WWOX: variants seen among roughly 807,000 people sequenced by gnomAD.
The protein encoded by WWOX is WW domain containing oxidoreductase, also known as WW domain-containing oxidoreductase.
A neutral mutation model predicts 46.2 loss-of-function variants in WWOX; 69 were observed. The observed-to-expected ratio is 1.49, with a 90% CI of 1.23 to 1.82. The LOEUF is 1.82. Among genes scored for constraint, WWOX ranks in the 40% most tolerant of loss-of-function variants. WWOX has a pLI of 0.00. For missense variants in WWOX, 919 were observed against 542.6 expected (o/e 1.69, Z -6.89); for synonymous variants, 359 against 202.6 (o/e 1.77, Z -6.56).
chr16:78,727,780 T>TGG (rs902717448), intron 8 of WWOX, among the ~76,000 whole-genome samples: 9 of 152,172 alleles, frequency 5.9e-5, no homozygotes, highest in East Asian at 1.9e-4. Context: ...GTCTCCCTGG[T>TGG]GGTGAGACAG....
intron 8 of WWOX, among the ~76,000 whole-genome samples, chr16:78,560,458 C>T (rs1007104706): frequency 2.0e-5 from 3 of 152,108 alleles, no homozygotes; most frequent in African/African-American, 7.2e-5. Context: ...GCCTGGCCAA[C>T]ATGGTGAAAC....
At chr16:78,486,268 A>G (rs1002897371) in intron 8 of WWOX, among the ~76,000 whole-genome samples, 2 of 152,226 alleles carry the variant, frequency 1.3e-5, no homozygotes, top group Non-Finnish European at 2.9e-5. Flanking sequence ...GTGTAGTCCC[A>G]TACCATTTTA....
intron 8 of WWOX, among the ~76,000 whole-genome samples, chr16:78,866,584 T>C (rs980961821): frequency 6.6e-6 from 1 of 152,146 alleles, no homozygotes; most frequent in Non-Finnish European, 1.5e-5. Context: ...CAAAATCACT[T>C]AAGTGTTCAG....
chr16:79,156,600 A>T (rs1024389579), intron 8 of WWOX, among the ~76,000 whole-genome samples: 4 of 152,316 alleles, frequency 2.6e-5, no homozygotes, highest in South Asian at 2.1e-4. Flanking sequence ...CAGACAATTA[A>T]CAAGTTAAAA....
chr16:78,252,374 T>C (rs975206971), intron 5 of WWOX, among the ~76,000 whole-genome samples: 1 of 152,214 alleles, frequency 6.6e-6, no homozygotes, highest in African/African-American at 2.4e-5. Context: ...GAGTTAAAAT[T>C]GACAAGTTAG....
chr16:78,443,014 T>C (rs2083479177), intron 8 of WWOX, among the ~76,000 whole-genome samples: 1 of 151,578 alleles, frequency 6.6e-6, no homozygotes, highest in Non-Finnish European at 1.5e-5. Context: ...TGGGTGCCTG[T>C]AGTCCCAGCT....
chr16:78,258,773 A>T (rs1476036282), intron 5 of WWOX, among the ~76,000 whole-genome samples: 1 of 149,156 alleles, frequency 6.7e-6, no homozygotes, highest in African/African-American at 2.5e-5. Context: ...GCTTTTCTTT[A>T]CTTTAAGTAC....
chr16:78,196,318 A>G (rs1013971133), intron 5 of WWOX, among the ~76,000 whole-genome samples: 2 of 152,152 alleles, frequency 1.3e-5, no homozygotes, highest in Admixed American at 1.3e-4. Flanking sequence ...ATTTTACATG[A>G]TTTCCTTTAT....
intron 5 of WWOX, among the ~76,000 whole-genome samples, chr16:78,334,095 A>G (rs1302029915): frequency 6.6e-6 from 1 of 152,208 alleles, no homozygotes; most frequent in Non-Finnish European, 1.5e-5. Context: ...TGCAGATTTG[A>G]TTCCCCCTTT....
chr16:78,610,589 C>G (rs1374350035), intron 8 of WWOX, among the ~76,000 whole-genome samples: 1 of 152,070 alleles, frequency 6.6e-6, no homozygotes, highest in Non-Finnish European at 1.5e-5. Context: ...CATTTATTGA[C>G]TAGTCTCTCT....
At chr16:78,447,870 C>G (rs984102880) in intron 8 of WWOX, among the ~76,000 whole-genome samples, 1 of 152,164 alleles carries the variant, frequency 6.6e-6, no homozygotes, top group Non-Finnish European at 1.5e-5. Flanking sequence ...GTGGCATAGT[C>G]TCTGCTTTCT....
chr16:78,484,593 C>T (rs2084583901), intron 8 of WWOX, among the ~76,000 whole-genome samples: 1 of 152,176 alleles, frequency 6.6e-6, no homozygotes, highest in Admixed American at 6.5e-5. Flanking sequence ...TTTTACGTTA[C>T]AATTTAATAA....
chr16:79,042,498 A>C (rs2047990543), intron 8 of WWOX, among the ~76,000 whole-genome samples: 1 of 152,178 alleles, frequency 6.6e-6, no homozygotes, highest in African/African-American at 2.4e-5. Flanking sequence ...TCCTATTCGC[A>C]TGATAAAAAT....
chr16:78,516,912 A>G (rs1161315461), intron 8 of WWOX, among the ~76,000 whole-genome samples: 1 of 152,156 alleles, frequency 6.6e-6, no homozygotes, highest in Non-Finnish European at 1.5e-5. Flanking sequence ...TAACATTATT[A>G]TTATTGGTGT....
intron 6 of WWOX, among the ~76,000 whole-genome samples, chr16:78,394,596 C>T (rs74028163): frequency 0.024 from 3,617 of 152,126 alleles, 109 homozygotes; most frequent in African/African-American, 0.075. Flanking sequence ...CAAAGTATGA[C>T]CGTAAAGGGC....
chr16:78,560,358 A>G (rs1226638234), intron 8 of WWOX, among the ~76,000 whole-genome samples: 2 of 152,206 alleles, frequency 1.3e-5, no homozygotes. Context: ...GAATAACATT[A>G]GTGGCCAGGT....
intron 8 of WWOX, among the ~76,000 whole-genome samples, chr16:79,033,766 C>T (rs904866745): frequency 6.6e-6 from 1 of 152,212 alleles, no homozygotes; most frequent in African/African-American, 2.4e-5. Flanking sequence ...CCTACTTTGT[C>T]TATGAATTCG....
intron 8 of WWOX, among the ~76,000 whole-genome samples, chr16:78,605,854 T>C (rs2045744061): frequency 6.6e-6 from 1 of 152,168 alleles, no homozygotes; most frequent in South Asian, 2.1e-4. Flanking sequence ...TGTTGTTCTT[T>C]TTTTCCAGCA....
At chr16:78,837,493 G>T (rs571189377) in intron 8 of WWOX, among the ~76,000 whole-genome samples, 1 of 152,152 alleles carries the variant, frequency 6.6e-6, no homozygotes, top group African/African-American at 2.4e-5. Context: ...TTGTTCAAAG[G>T]CCTTTGACAT....
Sources: gnomAD v4.1 joint callset for allele counts (sites outside exome capture counted in the v4.1 genomes callset) on GRCh38, gnomAD v4.1.1 for gene constraint, MANE v1.5 for transcripts, NCBI Gene and HGNC (gene_info 2026-07-23, HGNC 2026-07-21) for gene names.